Variants in ANKFN1 observed in about 807,000 individuals in gnomAD.
The protein encoded by ANKFN1 is ankyrin repeat and fibronectin type-III domain-containing protein 1.
In ANKFN1, 74 loss-of-function variants were observed where a neutral mutation model predicts 108.7. The observed-to-expected ratio is 0.68, with a 90% confidence interval of 0.56 to 0.83. The LOEUF (loss-of-function observed/expected upper bound fraction) is 0.83. Ranked by LOEUF, ANKFN1 falls within the 40% of genes least tolerant of loss-of-function variation. The pLI is 0.00. For missense variants in ANKFN1, 1,505 were observed against 1,382.3 expected, an observed-to-expected ratio of 1.09 and a Z score of -1.41; for synonymous variants, 547 against 516.2, an observed-to-expected ratio of 1.06 and a Z score of -0.81.
At chr17:56,338,447 A>G (rs1263229513) in intron 4 of ANKFN1, among the ~76,000 whole-genome samples, 2 of 152,158 alleles carry the variant, frequency 1.3e-5, no homozygotes, top group Non-Finnish European at 2.9e-5. Flanking sequence ...AACTTAAAGT[A>G]TAATTTTAAA....
At chr17:56,212,079 G>T (rs1406353403) in intron 1 of ANKFN1, among the ~76,000 whole-genome samples, 1 of 151,748 alleles carries the variant, frequency 6.6e-6, no homozygotes, top group East Asian at 1.9e-4. Flanking sequence ...GTACTATGTT[G>T]AATAGAAGCA....
At chr17:56,254,628 A>G (rs1369848511) in intron 3 of ANKFN1, among the ~76,000 whole-genome samples, 1 of 152,184 alleles carries the variant, frequency 6.6e-6, no homozygotes, top group Admixed American at 6.5e-5. Flanking sequence ...CCTTTATAGC[A>G]GAGATTCTCA....
intron 4 of ANKFN1, among the ~76,000 whole-genome samples, chr17:56,109,478 A>C (rs1431322): frequency 0.56 from 85,805 of 151,924 alleles, 24,552 homozygotes; most frequent in East Asian, 0.81. Context: ...GTGACAACCC[A>C]AACTATCTGC....
At chr17:56,508,986 T>C (rs1189453651) in intron 20 of ANKFN1, among the ~76,000 whole-genome samples, 1 of 152,182 alleles carries the variant, frequency 6.6e-6, no homozygotes, top group African/African-American at 2.4e-5. Flanking sequence ...CCCCAACAGC[T>C]GGGGCAGCTC....
At chr17:56,249,648 G>A (rs554973112) in intron 3 of ANKFN1, among the ~76,000 whole-genome samples, 19 of 152,120 alleles carry the variant, frequency 1.2e-4, no homozygotes, top group Admixed American at 4.6e-4. Context: ...TTACCAAGTT[G>A]CAGCCATTAA....
intron 4 of ANKFN1, among the ~76,000 whole-genome samples, chr17:56,059,096 A>G (rs568220979): frequency 2.0e-4 from 31 of 152,184 alleles, no homozygotes; most frequent in Admixed American, 3.9e-4. Context: ...ACCAGCATCT[A>G]TTGGTTCTTG....
rs530487590 is a variant in ANKFN1, at chr17:56,069,335, C to T, written c.288+23010C>T. ...TGGGGATGGAGTGTCTGGGGTACAG[C>T]GCGAAATGCCAGTTAAAACAGTGAA... is the stretch of plus-strand genomic sequence containing the variant. On this transcript the variant is annotated intron_variant, in intron 4 of 12. Coordinates refer to the ANKFN1 transcript ENST00000635860. 2.0e-4 allele frequency among the ~76,000 whole-genome samples: 31 copies of T among 152,144 alleles called. No individual in the cohort carries two copies. In the East Asian group the frequency reaches 2.1e-3, roughly 10 times the overall value.
At chr17:56,342,227 C>CT (rs140624562) in intron 4 of ANKFN1, among the ~76,000 whole-genome samples, 63,512 of 145,108 alleles carry the variant, frequency 0.44, 14,949 homozygotes, top group Middle Eastern at 0.53. Flanking sequence ...AATGGTTTAT[C>CT]TTTTTTTTTT....
intron 4 of ANKFN1, among the ~76,000 whole-genome samples, chr17:56,342,295 C>G (rs1314264216): frequency 6.6e-6 from 1 of 150,844 alleles, no homozygotes; most frequent in Admixed American, 6.6e-5. Flanking sequence ...ATGTCTCTAC[C>G]TCCTTAAGTT....
intron 15 of ANKFN1, among the ~76,000 whole-genome samples, chr17:56,467,717 AAGAAAGAAAGAG>A (rs2050125214): frequency 6.8e-6 from 1 of 148,126 alleles, no homozygotes. Flanking sequence ...AAGAGAGAGA[AAGAAAGAAAGAG>A]AGAAAGAAAG....
chr17:56,329,244 A>C (rs1023578117), intron 4 of ANKFN1, among the ~76,000 whole-genome samples: 1 of 152,014 alleles, frequency 6.6e-6, no homozygotes, highest in Non-Finnish European at 1.5e-5. Flanking sequence ...TGGTTGATGA[A>C]ATGTACCACT....
rs1186050198 is a variant in ANKFN1 at position 56,515,214 on chromosome 17, T to C, written c.*3945T>C. On this transcript the variant is annotated 3_prime_UTR_variant, in exon 21 of 21. Coordinates refer to ENST00000682825, the MANE Select transcript of ANKFN1 (RefSeq NM_001370326.1). The stretch of plus-strand genomic sequence containing the variant: ...ACATTTTTCTACAGCTCTCTCAACT[T>C]CGTATGTAGCAGAGCTACAGCAAAG... 6.6e-6 allele frequency among the ~76,000 whole-genome samples: 1 copy of C among 152,188 alleles called. No homozygotes were observed. Among genetic ancestry groups the C allele is most frequent in the Non-Finnish European group, 1.5e-5 (1 of 68,022 alleles).
At chr17:56,082,303 T>C (rs1905256932) in intron 4 of ANKFN1, among the ~76,000 whole-genome samples, 1 of 152,010 alleles carries the variant, frequency 6.6e-6, no homozygotes, top group Non-Finnish European at 1.5e-5. Context: ...GTTTTTGTTT[T>C]TGTTTTTGTT....
intron 1 of ANKFN1, among the ~76,000 whole-genome samples, chr17:56,202,516 A>G (rs72831993): frequency 0.048 from 7,315 of 152,242 alleles, 201 homozygotes; most frequent in Middle Eastern, 0.085. Context: ...TCTCCTCTCC[A>G]ATTAACCTAT....
chr17:56,137,926 A>C (rs1907688908), intron 4 of ANKFN1, among the ~76,000 whole-genome samples: 1 of 152,206 alleles, frequency 6.6e-6, no homozygotes, highest in Non-Finnish European at 1.5e-5. Flanking sequence ...CAATTTTATC[A>C]TTTAGCAAAG....
chr17:56,160,192 GCT>G (rs1909516152), intron 1 of ANKFN1, among the ~76,000 whole-genome samples: 1 of 152,124 alleles, frequency 6.6e-6, no homozygotes. Context: ...TTATTATGAG[GCT>G]CTGTCCAAGT....
chr17:56,139,743 A>G (rs1355263519), intron 4 of ANKFN1, among the ~76,000 whole-genome samples: 1 of 152,130 alleles, frequency 6.6e-6, no homozygotes, highest in Non-Finnish European at 1.5e-5. Flanking sequence ...GCTGTATAGG[A>G]CATTTCTTCC....
chr17:56,496,614 A>T (rs1289833434), intron 19 of ANKFN1, among the ~76,000 whole-genome samples: 1 of 151,936 alleles, frequency 6.6e-6, no homozygotes, highest in East Asian at 1.9e-4. Flanking sequence ...TGTCTGACAA[A>T]TCTCCCTCTG....
intron 8 of ANKFN1, among the ~76,000 whole-genome samples, chr17:56,439,282 T>A (rs1026905567): frequency 1.3e-5 from 2 of 152,088 alleles, no homozygotes; most frequent in African/African-American, 4.8e-5. Flanking sequence ...TAAGATCTAT[T>A]GCTTATCACA....
Sources: gnomAD v4.1 joint callset for allele counts (sites outside exome capture counted in the v4.1 genomes callset) on GRCh38, gnomAD v4.1.1 for gene constraint, MANE v1.5 for transcripts, NCBI Gene and HGNC (gene_info 2026-07-23, HGNC 2026-07-21) for gene names.